HYAL4: variants seen among roughly 807,000 people sequenced by gnomAD.
The protein encoded by HYAL4 is hyaluronidase 4.
In HYAL4, 37 loss-of-function variants were observed where a neutral mutation model predicts 35.2. The observed-to-expected ratio is 1.05, with a 90% CI of 0.81 to 1.38. The LOEUF (loss-of-function observed/expected upper bound fraction) is 1.38. HYAL4 is among the 40% of genes most tolerant of loss of function. The pLI is 0.00. For missense variants in HYAL4, 572 were observed against 572.4 expected (o/e 1.00, Z 0.01); for synonymous variants, 198 against 203.2 (o/e 0.97, Z 0.22).
intron 2 of HYAL4, among the ~76,000 whole-genome samples, chr7:123,854,553 A>C (rs1806386401): frequency 6.6e-6 from 1 of 152,168 alleles, no homozygotes; most frequent in South Asian, 2.1e-4. Flanking sequence ...CTTAATCCTG[A>C]GTTCTAATTT....
upstream of HYAL4, among the ~76,000 whole-genome samples, chr7:123,828,648 A>T (rs559919504): frequency 6.6e-6 from 1 of 152,308 alleles, no homozygotes; most frequent in South Asian, 2.1e-4. Flanking sequence ...CCCCATATTA[A>T]TGATATCTTT....
chr7:123,790,966 T>C, the HYAL4 span, among the ~76,000 whole-genome samples: 20,215 of 151,970 alleles, frequency 0.13, 1,567 homozygotes, highest in Admixed American at 0.19. Flanking sequence ...GATTTTGCCA[T>C]GTTAGCCAGG....
chr7:123,771,905 A>G, the HYAL4 span, among the ~76,000 whole-genome samples: 5 of 150,768 alleles, frequency 3.3e-5, no homozygotes, highest in African/African-American at 1.2e-4. Context: ...CATCATATAA[A>G]CTGTTGCGGG....
chr7:123,871,193 ATT>A (rs534769179), intron 3 of HYAL4, among the ~76,000 whole-genome samples: 40 of 134,712 alleles, frequency 3.0e-4, no homozygotes, highest in Admixed American at 6.0e-4. Flanking sequence ...TCTGCCCATG[ATT>A]TTTTTTTTTT....
At chr7:123,809,204 C>T in the HYAL4 span, among the ~76,000 whole-genome samples, 2 of 152,016 alleles carry the variant, frequency 1.3e-5, no homozygotes, top group Admixed American at 6.6e-5. Context: ...CACTCCCTGA[C>T]CCTGAAAACC....
chr7:123,825,918 G>T (rs74873477), upstream of HYAL4, among the ~76,000 whole-genome samples: 1 of 150,946 alleles, frequency 6.6e-6, no homozygotes, highest in Non-Finnish European at 1.5e-5. Context: ...TTGAATGCTT[G>T]TTAAATTTAT....
chr7:123,814,374 A>G, the HYAL4 span: 3 of 152,808 alleles, frequency 2.0e-5, no homozygotes, highest in East Asian at 5.8e-4. Flanking sequence ...GCCATATTTT[A>G]TCCAAATGAA....
upstream of HYAL4, among the ~76,000 whole-genome samples, chr7:123,841,878 T>C (rs993420755): frequency 6.6e-6 from 1 of 152,038 alleles, no homozygotes; most frequent in Non-Finnish European, 1.5e-5. Context: ...GTGATTCTTC[T>C]CTCTTTTCTT....
chr7:123,844,320 G>C (rs1806130367), upstream of HYAL4: 1 of 152,256 alleles, frequency 6.6e-6, no homozygotes, highest in Non-Finnish European at 1.5e-5. Flanking sequence ...GGTATCACCA[G>C]CGGAGGCTGC....
At chr7:123,786,286 G>A in the HYAL4 span, among the ~76,000 whole-genome samples, 1 of 152,182 alleles carries the variant, frequency 6.6e-6, no homozygotes, top group Admixed American at 6.5e-5. Flanking sequence ...GTAGTTTGGG[G>A]TGAAAGAGGT....
intron 1 of HYAL4, among the ~76,000 whole-genome samples, chr7:123,832,528 C>T (rs1805901812): frequency 1.1e-5 from 1 of 89,960 alleles, no homozygotes; most frequent in South Asian, 4.3e-4. Flanking sequence ...GAGACAGAGT[C>T]TCGCTCTGTC....
At chr7:123,840,317 AG>A (rs1806032555), upstream of HYAL4, among the ~76,000 whole-genome samples, 1 of 151,954 alleles carries the variant, frequency 6.6e-6, no homozygotes, top group Non-Finnish European at 1.5e-5. Flanking sequence ...TGTTATTTCT[AG>A]GGCCTCTGTT....
the HYAL4 span, among the ~76,000 whole-genome samples, chr7:123,790,268 GT>G: frequency 6.6e-6 from 1 of 152,102 alleles, no homozygotes; most frequent in Admixed American, 6.5e-5. Context: ...TTTTATAAAT[GT>G]TTTTGCATAT....
chr7:123,810,892 G>A, the HYAL4 span, among the ~76,000 whole-genome samples: 1 of 152,060 alleles, frequency 6.6e-6, no homozygotes, highest in African/African-American at 2.4e-5. Flanking sequence ...TTCTTTTCCA[G>A]AATGTCATGT....
intron 1 of HYAL4, among the ~76,000 whole-genome samples, chr7:123,836,544 T>A (rs1308116744): frequency 6.6e-6 from 1 of 152,200 alleles, no homozygotes; most frequent in Non-Finnish European, 1.5e-5. Context: ...TGCAATTCTA[T>A]ATCTTTTAAG....
chr7:123,775,389 A>G, the HYAL4 span, among the ~76,000 whole-genome samples: 1 of 152,126 alleles, frequency 6.6e-6, no homozygotes, highest in Non-Finnish European at 1.5e-5. Context: ...TGATTACGCC[A>G]TGGCACTCCA....
At chr7:123,850,883 C>T (rs1405913228) in intron 2 of HYAL4, among the ~76,000 whole-genome samples, 1 of 152,036 alleles carries the variant, frequency 6.6e-6, no homozygotes, top group Non-Finnish European at 1.5e-5. Context: ...TTCCAAATTT[C>T]CTTATTGTAT....
chr7:123,850,472 C>G (rs1806278151), intron 2 of HYAL4, among the ~76,000 whole-genome samples: 1 of 152,120 alleles, frequency 6.6e-6, no homozygotes, highest in Non-Finnish European at 1.5e-5. Context: ...AACTCTTGGG[C>G]TCAAGCGGTC....
chr7:123,835,341 C>T (rs987832990), intron 1 of HYAL4, among the ~76,000 whole-genome samples: 2 of 151,946 alleles, frequency 1.3e-5, no homozygotes, highest in Non-Finnish European at 2.9e-5. Flanking sequence ...TTATCCATCT[C>T]CTTTAGGTTT....
Sources: gnomAD v4.1 joint callset for allele counts (sites outside exome capture counted in the v4.1 genomes callset) on GRCh38, gnomAD v4.1.1 for gene constraint, MANE v1.5 for transcripts, NCBI Gene and HGNC (gene_info 2026-07-23, HGNC 2026-07-21) for gene names.